NSD1: variants seen among roughly 807,000 people sequenced by gnomAD.
The protein encoded by NSD1 is nuclear receptor binding SET domain protein 1, also known as histone-lysine N-methyltransferase, H3 lysine-36 specific.
NSD1 carries 26 observed loss-of-function variants against 242.7 expected under a neutral mutation model. The observed-to-expected ratio is 0.11, with a 90% CI of 0.08 to 0.15. NSD1 has a LOEUF of 0.15. Ranked by LOEUF, NSD1 falls within the 10% of genes least tolerant of loss-of-function variation. The probability of loss-of-function intolerance (pLI) is 1.00; values close to 1 mark genes in which losing one functional copy is unlikely to be tolerated. For missense variants in NSD1, 2,495 were observed against 3,272.8 expected, an observed-to-expected ratio of 0.76 and a Z score of 5.80; for synonymous variants, 1,106 against 1,178.1, an observed-to-expected ratio of 0.94 and a Z score of 1.25.
At chr5:177,200,094 T>G (rs1005444446) in intron 3 of NSD1, among the ~76,000 whole-genome samples, 20 of 148,588 alleles carry the variant, frequency 1.3e-4, no homozygotes, top group South Asian at 2.1e-4. Context: ...AAATTTAATG[T>G]TTTTTTTTTG....
At chr5:177,140,908 A>G (rs980630782) in intron 2 of NSD1, among the ~76,000 whole-genome samples, 2 of 152,064 alleles carry the variant, frequency 1.3e-5, no homozygotes, top group Admixed American at 6.6e-5. Context: ...TTCTCTACCC[A>G]TCATCCCACA....
intron 2 of NSD1, among the ~76,000 whole-genome samples, chr5:177,159,178 G>A (rs1758520857): frequency 6.6e-6 from 1 of 151,126 alleles, no homozygotes; most frequent in Admixed American, 6.6e-5. Flanking sequence ...GAGTTGCTGG[G>A]ATTACAGGCA....
chr5:177,254,783 A>G (rs1756292405), intron 12 of NSD1, among the ~76,000 whole-genome samples: 1 of 49,406 alleles, frequency 2.0e-5, no homozygotes, highest in African/African-American at 1.1e-4. Context: ...TAGGTCTGTG[A>G]TGTGTTTTGT....
At chr5:177,175,822 T>G (rs1760145562) in intron 2 of NSD1, among the ~76,000 whole-genome samples, 1 of 152,228 alleles carries the variant, frequency 6.6e-6, no homozygotes, top group African/African-American at 2.4e-5. Flanking sequence ...ATACATCCTG[T>G]TTCGATTTTA....
intron 4 of NSD1, among the ~76,000 whole-genome samples, chr5:177,205,417 A>G (rs377090210): frequency 6.6e-6 from 1 of 151,806 alleles, no homozygotes; most frequent in African/African-American, 2.4e-5. Flanking sequence ...TTATATTTCA[A>G]CCATCAGTAT....
chr5:177,188,045 A>T (rs1056167493), intron 2 of NSD1, among the ~76,000 whole-genome samples: 1 of 152,184 alleles, frequency 6.6e-6, no homozygotes, highest in East Asian at 1.9e-4. Flanking sequence ...GGAAGATGCC[A>T]CTTCTTTACT....
Position 177,293,812 on chromosome 5 carries a change from A to G in NSD1, c.6464-20A>G, listed in dbSNP as rs371359117. On this transcript the variant is annotated intron_variant, in intron 22 of 22. Coordinates refer to ENST00000439151, the MANE Select transcript of NSD1 (RefSeq NM_022455.5). ...GTATCTCTTTTTTCCTAAACTTTTG[A>G]TTTACTTCTGTGTTTTCAGGGAAAT... is the stretch of plus-strand genomic sequence containing the variant. The G allele has an allele frequency of 2.3e-4, 379 of 1,613,418 alleles. No individual in the cohort carries two copies. The African/African-American group carries it at 4.4e-3, about 19-fold the overall frequency.
At chr5:177,179,149 G>T (rs1760451604) in intron 2 of NSD1, among the ~76,000 whole-genome samples, 1 of 152,134 alleles carries the variant, frequency 6.6e-6, no homozygotes, top group Non-Finnish European at 1.5e-5. Context: ...TTTTTCCTAG[G>T]GTAGGAGTCA....
In NSD1 at chr5:177,264,028, A is replaced by ATTTTTT. The variant is rs61538775; in HGVS notation, c.5147-3513_5147-3508dup. On this transcript the variant is annotated intron_variant, in intron 14 of 22. Coordinates refer to ENST00000439151, the MANE Select transcript of NSD1 (RefSeq NM_022455.5). ...AAGATGCATATGACTCAATGAACCA[A>ATTTTTT]TTTTTTTTTTTTTTTTTTTTTTTTT... 4.1e-3 allele frequency among the ~76,000 whole-genome samples: 312 copies of ATTTTTT among 76,362 alleles called. 39 individuals are homozygous for ATTTTTT. Among genetic ancestry groups the ATTTTTT allele is most frequent in the East Asian group, 8.2e-3 (21 of 2,562 alleles). The allele number at this position is 76,362 out of a possible 152,430, so 50.1% of individuals were successfully genotyped here.
rs1380834905 is a variant in NSD1 at position 177,135,643 on chromosome 5, AGAG to A, written c.544_546del (p.Glu182del). On this transcript the variant is annotated inframe_deletion, in exon 2 of 23. Transcript: ENST00000439151. ...AGCCAGTCACAGAGGATGAGAGTAT[AGAG>A]GAGATCTTTGAGGAAACTCAGACCA... is the stretch of plus-strand genomic sequence containing the variant. The A allele has an allele frequency of 3.1e-6, 5 of 1,614,248 alleles. No individual in the cohort carries two copies. The highest frequency in any genetic ancestry group is 4.2e-6 in the Non-Finnish European group (5 of 1,180,036).
At chr5:177,153,485 ATT>A (rs918805553) in intron 2 of NSD1, among the ~76,000 whole-genome samples, 14 of 151,460 alleles carry the variant, frequency 9.2e-5, no homozygotes, top group Non-Finnish European at 7.4e-5. Context: ...TACTGTTTGT[ATT>A]TTTTTCTAGG....
chr5:177,132,680 TG>T (rs1755958486), upstream of NSD1, among the ~76,000 whole-genome samples: 1 of 151,940 alleles, frequency 6.6e-6, no homozygotes, highest in African/African-American at 2.4e-5. This position sits in a 1 kb window ranked among gnomAD's most constrained non-coding sequence, Gnocchi z 7.5. Context: ...GGCTCAGCGC[TG>T]GGGTCGCCTG....
intron 2 of NSD1, among the ~76,000 whole-genome samples, chr5:177,162,392 AGTTT>A (rs151062416): frequency 3.8e-4 from 57 of 151,140 alleles, no homozygotes; most frequent in Admixed American, 1.9e-3. Flanking sequence ...AAGTCATTAT[AGTTT>A]GTTTGTTTGT....
intron 11 of NSD1, among the ~76,000 whole-genome samples, chr5:177,250,436 G>A (rs1054739042): frequency 2.0e-5 from 3 of 152,078 alleles, no homozygotes; most frequent in Non-Finnish European, 2.9e-5. Flanking sequence ...CAGGTGTCCC[G>A]GTTTGAAAGA....
At chr5:177,289,005 TAAG>T in intron 21 of NSD1, 80 bp downstream of exon 21, 1 of 993,240 alleles carries the variant, frequency 1.0e-6, no homozygotes, top group Non-Finnish European at 1.6e-6. Context: ...GTCTACATTT[TAAG>T]AAGAAATCTC....
intron 2 of NSD1, among the ~76,000 whole-genome samples, chr5:177,156,070 A>G (rs539955284): frequency 7.2e-4 from 109 of 150,402 alleles, no homozygotes; most frequent in African/African-American, 2.6e-3. Context: ...ATAAATATTT[A>G]TTGGACCCTA....
chr5:177,174,105 G>A (rs983669254), intron 2 of NSD1, among the ~76,000 whole-genome samples: 50 of 151,914 alleles, frequency 3.3e-4, no homozygotes, highest in African/African-American at 1.0e-3. Context: ...GGTGGCTCAC[G>A]CCTGTAATCC....
intron 2 of NSD1, among the ~76,000 whole-genome samples, chr5:177,147,925 A>G (rs868218859): frequency 1.3e-5 from 2 of 151,878 alleles, no homozygotes; most frequent in Admixed American, 6.6e-5. Flanking sequence ...GTAATATTCC[A>G]TGATACAAAT....
Position 177,211,592 on chromosome 5 carries a change from G to A in NSD1, c.3193G>A (p.Asp1065Asn), listed in dbSNP as rs1385339363. 6.2e-7 allele frequency: 1 copy of A among 1,614,156 alleles called. No homozygotes were observed. The highest frequency in any genetic ancestry group is 8.5e-7 in the Non-Finnish European group (1 of 1,180,040). ...GAATCAGCTTCCAAGTGTGACTCTT[G>A]ATGCTGTACTGCAGGGAGACCGAGA... ...KLNQLPSVTL[D>N]AVLQGDRERG... The change falls in exon 5 of 23, where the codon GAT becomes AAT. Residue 1065 changes from aspartate (D) to asparagine (N), a missense_variant. Physicochemically the swap from Asp to Asn is conservative, Grantham distance 23. Transcript: ENST00000439151.
Sources: allele counts gnomAD v4.1 joint callset (sites outside exome capture counted in the v4.1 genomes callset), GRCh38; gene constraint gnomAD v4.1.1; non-coding constraint Gnocchi (gnomAD v3.1); transcripts MANE v1.5; gene names NCBI Gene and HGNC (gene_info 2026-07-23, HGNC 2026-07-21).